Variants in ULK4 observed in about 807,000 individuals in gnomAD.
The protein encoded by ULK4 is inactive serine/threonine-protein kinase ULK4.
A neutral mutation model predicts 160.6 loss-of-function variants in ULK4; 133 were observed. The observed-to-expected ratio is 0.83, with a 90% CI of 0.72 to 0.96. The LOEUF (loss-of-function observed/expected upper bound fraction) is 0.96, where lower values mean the gene tolerates loss of function less well. Among genes scored for constraint, ULK4 ranks in the 40% least tolerant of loss-of-function variants. The pLI is 0.00. For synonymous variants in ULK4, 534 were observed against 539.8 expected (o/e 0.99, Z 0.15); for missense variants, 1,580 against 1,499.5 (o/e 1.05, Z -0.89).
chr3:41,874,023 T>C (rs1697212127), intron 17 of ULK4, among the ~76,000 whole-genome samples: 2 of 151,928 alleles, frequency 1.3e-5, no homozygotes, highest in East Asian at 1.9e-4. Flanking sequence ...GGAAAAACTA[T>C]AGGGAAAAAT....
chr3:41,343,736 A>C (rs1299519412), intron 35 of ULK4, among the ~76,000 whole-genome samples: 1 of 152,238 alleles, frequency 6.6e-6, no homozygotes, highest in African/African-American at 2.4e-5. Flanking sequence ...ATCATGAATG[A>C]ACTCCCATTC....
chr3:41,506,765 A>AAAAAAAAAAAAAAAAAAATATAT (rs1491135487), intron 32 of ULK4, among the ~76,000 whole-genome samples: 3 of 10,448 alleles, frequency 2.9e-4, no homozygotes, highest in Admixed American at 1.2e-3. Flanking sequence ...AGTGTGATTT[A>AAAAAAAAAAAAAAAAAAATATAT]AAATATATAT....
chr3:41,829,339 T>C (rs547906222), intron 18 of ULK4, among the ~76,000 whole-genome samples: 19,543 of 125,598 alleles, frequency 0.16, 3,322 homozygotes, highest in African/African-American at 0.39. Flanking sequence ...CAAAAGAAAC[T>C]ACCATCAGAG....
intron 19 of ULK4, among the ~76,000 whole-genome samples, chr3:41,806,488 G>T (rs2040647303): frequency 6.6e-6 from 1 of 152,054 alleles, no homozygotes; most frequent in African/African-American, 2.4e-5. Flanking sequence ...ATTTCCTTCA[G>T]TTCTGCTCTG....
At chr3:41,496,735 C>G (rs1048226000) in intron 32 of ULK4, among the ~76,000 whole-genome samples, 3 of 152,234 alleles carry the variant, frequency 2.0e-5, no homozygotes, top group Middle Eastern at 3.4e-3. Context: ...TAAGATTGCA[C>G]AGATCTGGCA....
intron 32 of ULK4, among the ~76,000 whole-genome samples, chr3:41,498,252 C>G (rs915738712): frequency 2.6e-5 from 4 of 152,122 alleles, no homozygotes; most frequent in African/African-American, 7.2e-5. Flanking sequence ...AATAAAGTAT[C>G]TAGAAAATCC....
At chr3:41,372,103 T>G (rs905009002) in intron 35 of ULK4, among the ~76,000 whole-genome samples, 2 of 151,526 alleles carry the variant, frequency 1.3e-5, no homozygotes, top group African/African-American at 4.9e-5. Flanking sequence ...GAAAAAAGAA[T>G]GAAAAGGAAC....
intron 27 of ULK4, among the ~76,000 whole-genome samples, chr3:41,703,407 G>A (rs2036750807): frequency 6.6e-6 from 1 of 151,874 alleles, no homozygotes; most frequent in South Asian, 2.1e-4. Context: ...TGACATTTAA[G>A]TACATATATA....
rs150710295 is a variant in ULK4, at chr3:41,387,765, G to C, written c.3678+10314C>G. The stretch of plus-strand genomic sequence containing the variant: ...ATATGTGCCACATTTTCTTAATCCA[G>C]TCTATCATTGTTGGACATTTGGGTT... On this transcript the variant is annotated intron_variant, in intron 35 of 36. Coordinates refer to ENST00000301831, the MANE Select transcript of ULK4 (RefSeq NM_017886.4). Among the ~76,000 whole-genome samples the C allele has an allele frequency of 7.3e-3, 1,111 of 152,216 alleles. 15 individuals carry two copies. Among genetic ancestry groups the C allele is most frequent in the African/African-American group, 0.026 (1,067 of 41,514 alleles).
chr3:41,599,190 G>A (rs1355023137), intron 31 of ULK4, among the ~76,000 whole-genome samples: 2 of 152,162 alleles, frequency 1.3e-5, no homozygotes, highest in Non-Finnish European at 2.9e-5. Context: ...AGCTGATTAG[G>A]ATGAGGATAA....
chr3:41,459,891 A>G (rs572492699), intron 33 of ULK4, among the ~76,000 whole-genome samples: 5 of 152,276 alleles, frequency 3.3e-5, no homozygotes, highest in African/African-American at 1.2e-4. Context: ...ATGTCTCAGC[A>G]AGGAGTCAGT....
At chr3:41,682,206 C>G (rs1407477053) in intron 27 of ULK4, among the ~76,000 whole-genome samples, 3 of 152,128 alleles carry the variant, frequency 2.0e-5, no homozygotes, top group African/African-American at 7.2e-5. Context: ...CAATAGTCCC[C>G]ATGTTTTATC....
intron 35 of ULK4, among the ~76,000 whole-genome samples, chr3:41,286,319 C>G (rs2079456728): frequency 6.6e-6 from 1 of 152,090 alleles, no homozygotes; most frequent in Non-Finnish European, 1.5e-5. Flanking sequence ...CTGAGAGAGA[C>G]AGCTTTTTTT....
intron 30 of ULK4, among the ~76,000 whole-genome samples, chr3:41,638,744 C>A (rs2034060647): frequency 6.6e-6 from 1 of 152,118 alleles, no homozygotes; most frequent in Admixed American, 6.5e-5. Context: ...TCAGAAGACT[C>A]TTGATATGGA....
At chr3:41,751,931 T>C (rs927898689) in intron 22 of ULK4, among the ~76,000 whole-genome samples, 6 of 152,112 alleles carry the variant, frequency 3.9e-5, no homozygotes, top group Non-Finnish European at 8.8e-5. Context: ...GGGGCTCAAA[T>C]GGAGTGTGCC....
chr3:41,354,334 T>G (rs1424594345), intron 35 of ULK4, among the ~76,000 whole-genome samples: 1 of 152,156 alleles, frequency 6.6e-6, no homozygotes, highest in Non-Finnish European at 1.5e-5. Context: ...CCAATCTGCT[T>G]TTATTGAAGT....
At chr3:41,804,370 T>A (rs554035822) in intron 19 of ULK4, among the ~76,000 whole-genome samples, 1 of 152,332 alleles carries the variant, frequency 6.6e-6, no homozygotes, top group Admixed American at 6.5e-5. Flanking sequence ...TCATTGTAGA[T>A]TCTGGATATT....
At chr3:41,398,649 C>T (rs2082116492) in intron 34 of ULK4, among the ~76,000 whole-genome samples, 2 of 151,732 alleles carry the variant, frequency 1.3e-5, no homozygotes, top group South Asian at 2.1e-4. Context: ...TCCTCAGCCT[C>T]CCAAAGTGCT....
At chr3:41,863,215 C>G (rs969441324) in intron 17 of ULK4, among the ~76,000 whole-genome samples, 1 of 152,146 alleles carries the variant, frequency 6.6e-6, no homozygotes, top group Admixed American at 6.5e-5. Flanking sequence ...GGAGAGGATC[C>G]TCACCTGTAG....
Sources: allele counts gnomAD v4.1 joint callset (sites outside exome capture counted in the v4.1 genomes callset), GRCh38; gene constraint gnomAD v4.1.1; transcripts MANE v1.5; gene names NCBI Gene and HGNC (gene_info 2026-07-23, HGNC 2026-07-21).